The following PAG1 variants were observed in gnomAD, a reference collection of about 807,000 sequenced individuals.
PAG1 encodes the protein phosphoprotein membrane anchor with glycosphingolipid microdomains 1, also known as phosphoprotein associated with glycosphingolipid-enriched microdomains 1.
PAG1 carries 23 observed loss-of-function variants against 31.7 expected under a neutral mutation model. The ratio of observed to expected loss-of-function variants is 0.73; its 90% CI spans 0.52 to 1.03. The LOEUF (loss-of-function observed/expected upper bound fraction) is 1.03. Ranked by LOEUF, PAG1 falls within the 50% of genes least tolerant of loss-of-function variation. PAG1 has a pLI of 0.00. For synonymous variants in PAG1, 214 were observed against 210.3 expected, an observed-to-expected ratio of 1.02 and a Z score of -0.15; for missense variants, 473 against 540.7, an observed-to-expected ratio of 0.87 and a Z score of 1.24.
chr8:81,066,374 T>C (rs1809007113), intron 2 of PAG1, among the ~76,000 whole-genome samples: 1 of 152,230 alleles, frequency 6.6e-6, no homozygotes, highest in African/African-American at 2.4e-5. Context: ...AGAACATGGA[T>C]TTTTGAGTGT....
At chr8:81,037,101 G>A (rs1055626258) in intron 2 of PAG1, 1 of 152,120 alleles carries the variant, frequency 6.6e-6, no homozygotes, top group Non-Finnish European at 1.5e-5. Context: ...TTATAAGTAT[G>A]ACACCGGAAA....
chr8:81,045,295 T>G (rs1293678731), intron 2 of PAG1, among the ~76,000 whole-genome samples: 1 of 152,168 alleles, frequency 6.6e-6, no homozygotes, highest in Non-Finnish European at 1.5e-5. Context: ...TGTGGCTATT[T>G]TCAGGTTGTT....
intron 3 of PAG1, among the ~76,000 whole-genome samples, chr8:81,010,016 G>A (rs1807953668): frequency 6.6e-6 from 1 of 152,192 alleles, no homozygotes; most frequent in Admixed American, 6.5e-5. Flanking sequence ...GGTGTCCCCA[G>A]GGTATCTGAA....
intron 3 of PAG1, among the ~76,000 whole-genome samples, chr8:81,003,895 T>G (rs921539521): frequency 6.6e-6 from 1 of 152,082 alleles, no homozygotes; most frequent in Non-Finnish European, 1.5e-5. Context: ...CCACAGCAGT[T>G]AGGTGGATGT....
chr8:80,984,816 G>A lies in PAG1; in HGVS notation c.836C>T (p.Ala279Val), dbSNP rs140643833. ...GGTCGTGTCTGTGGCACTCTCTTCC[G>A]CCTCTCCCCCTTCCTTCTCCTGAAG... Reference protein sequence around the residue: ...ENLQEKEGGEAEESATDTTSE... With the variant: ...ENLQEKEGGEVEESATDTTSE... Residue 279 changes from alanine (A) to valine (V), a missense_variant, in exon 7 of 9, where the codon GCG becomes GTG. Transcript: ENST00000220597. The A allele has an allele frequency of 8.7e-6, 14 of 1,613,946 alleles. No individual in the cohort carries two copies. The highest frequency in any genetic ancestry group is 6.7e-5 in the East Asian group (3 of 44,886).
At chr8:81,061,834 T>C (rs750558460) in intron 2 of PAG1, among the ~76,000 whole-genome samples, 5 of 152,150 alleles carry the variant, frequency 3.3e-5, no homozygotes, top group Non-Finnish European at 7.3e-5. Context: ...TCTGAGAAGG[T>C]AGCCCGTAAG....
At chr8:81,063,128 T>A (rs1299089562) in intron 2 of PAG1, among the ~76,000 whole-genome samples, 1 of 152,164 alleles carries the variant, frequency 6.6e-6, no homozygotes, top group African/African-American at 2.4e-5. Context: ...ATGAAAGCCC[T>A]ATTTGGAACT....
intron 3 of PAG1, among the ~76,000 whole-genome samples, chr8:81,002,319 C>T (rs1051734187): frequency 6.6e-6 from 1 of 152,126 alleles, no homozygotes; most frequent in African/African-American, 2.4e-5. Context: ...ATCAAATTTC[C>T]TACTCGTGGC....
At chr8:81,042,563 CTA>C (rs1808572006) in intron 2 of PAG1, among the ~76,000 whole-genome samples, 1 of 151,590 alleles carries the variant, frequency 6.6e-6, no homozygotes, top group South Asian at 2.1e-4. Flanking sequence ...TCATTTTCTT[CTA>C]TGAGTTCCCT....
intron 7 of PAG1, among the ~76,000 whole-genome samples, chr8:80,981,680 A>G (rs1400802689): frequency 6.6e-6 from 1 of 151,870 alleles, no homozygotes; most frequent in Admixed American, 6.6e-5. Context: ...CCTTCAGGTG[A>G]TCCCCTCCTT....
intron 3 of PAG1, among the ~76,000 whole-genome samples, chr8:81,027,798 G>A (rs1016689838): frequency 2.0e-5 from 3 of 151,642 alleles, no homozygotes; most frequent in African/African-American, 4.8e-5. Context: ...CCAGCTACTC[G>A]GCAGGCTGAG....
rs182764112 is a variant in PAG1, at chr8:81,061,055, T to C, written c.-175+9057A>G. ...GACTTTGTAGAAAAGACTGGATTTA[T>C]TATCATGTAAAATACAGCCATTAGC... On this transcript the variant is annotated intron_variant, in intron 2 of 8. Transcript: ENST00000220597. 5.4e-3 allele frequency among the ~76,000 whole-genome samples: 825 copies of C among 152,328 alleles called. 10 individuals are homozygous for C. Among genetic ancestry groups the C allele is most frequent in the African/African-American group, 0.018 (763 of 41,568 alleles).
At chr8:81,097,103 G>A (rs1476185108) in intron 1 of PAG1, among the ~76,000 whole-genome samples, 1 of 152,190 alleles carries the variant, frequency 6.6e-6, no homozygotes, top group Non-Finnish European at 1.5e-5. Flanking sequence ...GGTTCTCAGT[G>A]CTGGCTGCAT....
intron 1 of PAG1, among the ~76,000 whole-genome samples, chr8:81,077,048 A>G (rs6999474): frequency 0.075 from 11,435 of 152,246 alleles, 1,422 homozygotes; most frequent in African/African-American, 0.26. Flanking sequence ...ATAGAATCGT[A>G]GAGTTAATGG....
chr8:80,994,033 C>T lies in PAG1; in HGVS notation c.-80-726G>A, dbSNP rs186008441. Among the ~76,000 whole-genome samples the T allele has an allele frequency of 1.6e-4, 24 of 150,766 alleles. No individual in the cohort carries two copies. The East Asian group carries it at 4.8e-3, about 30-fold the overall frequency. ...TTCTTATATAGCTTTTGCAAAAATG[C>T]AACTCATCACCTGCCCCTGCCCCCC... On this transcript the variant is annotated intron_variant, in intron 3 of 8. Transcript: ENST00000220597.
intron 2 of PAG1, among the ~76,000 whole-genome samples, chr8:81,069,766 A>G (rs1374804477): frequency 6.6e-6 from 1 of 152,224 alleles, no homozygotes; most frequent in East Asian, 1.9e-4. Context: ...CCCTGTCTCA[A>G]AGATGAGGAA....
At chr8:81,033,677 C>T (rs183584130) in intron 2 of PAG1, among the ~76,000 whole-genome samples, 2 of 152,206 alleles carry the variant, frequency 1.3e-5, no homozygotes, top group Non-Finnish European at 2.9e-5. Flanking sequence ...CTAATGATGA[C>T]ATTCATAAGA....
At chr8:81,106,012 G>C (rs114610735) in intron 1 of PAG1, among the ~76,000 whole-genome samples, 2 of 152,192 alleles carry the variant, frequency 1.3e-5, no homozygotes, top group African/African-American at 4.8e-5. Flanking sequence ...AATGGGAGAG[G>C]GAAGTACAAA....
chr8:80,992,692 TAAAC>T (rs932019878), intron 4 of PAG1, among the ~76,000 whole-genome samples: 1 of 152,200 alleles, frequency 6.6e-6, no homozygotes, highest in African/African-American at 2.4e-5. Context: ...TTTTTAATCA[TAAAC>T]AATCCCTCCG....
Sources: gnomAD v4.1 joint callset for allele counts (sites outside exome capture counted in the v4.1 genomes callset) on GRCh38, gnomAD v4.1.1 for gene constraint, MANE v1.5 for transcripts, NCBI Gene and HGNC (gene_info 2026-07-23, HGNC 2026-07-21) for gene names.